PRR16: variants seen among roughly 807,000 people sequenced by gnomAD.
PRR16 encodes protein Largen.
PRR16 carries 6 observed loss-of-function variants against 18.2 expected under a neutral mutation model. The ratio of observed to expected loss-of-function variants is 0.33; its 90% confidence interval spans 0.18 to 0.65. The LOEUF (loss-of-function observed/expected upper bound fraction) is 0.65, where lower values mean the gene tolerates loss of function less well. Ranked by LOEUF, PRR16 falls within the 30% of genes least tolerant of loss-of-function variation. The pLI, the probability that PRR16 is intolerant of heterozygous loss-of-function variation, is 0.74. For synonymous variants in PRR16, 151 were observed against 147.8 expected (o/e 1.02, Z -0.16); for missense variants, 412 against 376.6 (o/e 1.09, Z -0.78).
chr5:120,776,334 T>C, the PRR16 span, among the ~76,000 whole-genome samples: 8,640 of 152,238 alleles, frequency 0.057, 290 homozygotes, highest in Middle Eastern at 0.15. Context: ...TCTTTTCATC[T>C]TTGGTTTTCA....
At chr5:120,762,509 T>C in the PRR16 span, among the ~76,000 whole-genome samples, 1 of 152,156 alleles carries the variant, frequency 6.6e-6, no homozygotes, top group Non-Finnish European at 1.5e-5. Flanking sequence ...TTTGTTTTGT[T>C]TTTTAGAAAT....
chr5:120,595,121 A>G (rs765735842), intron 1 of PRR16, among the ~76,000 whole-genome samples: 64 of 152,146 alleles, frequency 4.2e-4, no homozygotes, highest in Non-Finnish European at 1.2e-4. Flanking sequence ...AATGGGATCT[A>G]ATTAAACCAA....
intron 1 of PRR16, among the ~76,000 whole-genome samples, chr5:120,544,773 C>G (rs983885172): frequency 6.6e-6 from 1 of 151,922 alleles, no homozygotes; most frequent in South Asian, 2.1e-4. Flanking sequence ...ACTAGGAGGC[C>G]TCAAGCTCAG....
At chr5:120,565,209 T>G (rs1188988254) in intron 1 of PRR16, among the ~76,000 whole-genome samples, 2 of 151,850 alleles carry the variant, frequency 1.3e-5, no homozygotes, top group African/African-American at 4.8e-5. Context: ...TGGGGAGGAG[T>G]AGTCTGATGA....
the PRR16 span, among the ~76,000 whole-genome samples, chr5:120,724,700 C>G: frequency 6.6e-6 from 1 of 151,972 alleles, no homozygotes; most frequent in Non-Finnish European, 1.5e-5. Context: ...TTTCAGATAT[C>G]TCCCCTACCT....
chr5:120,492,562 A>G (rs1402489464), intron 1 of PRR16, among the ~76,000 whole-genome samples: 2 of 152,012 alleles, frequency 1.3e-5, no homozygotes, highest in Admixed American at 6.6e-5. Context: ...TTATTTCTAT[A>G]TGTTTTACTT....
At chr5:120,627,454 G>C (rs1279332038) in intron 1 of PRR16, among the ~76,000 whole-genome samples, 4 of 151,916 alleles carry the variant, frequency 2.6e-5, no homozygotes, top group Non-Finnish European at 4.4e-5. Context: ...AAGCTATAAG[G>C]GTTTAAAATG....
chr5:120,685,581 C>T (rs947965857), intron 1 of PRR16, among the ~76,000 whole-genome samples: 1 of 151,924 alleles, frequency 6.6e-6, no homozygotes. Context: ...AGATTGGAAG[C>T]AATGTTCTCC....
intron 1 of PRR16, among the ~76,000 whole-genome samples, chr5:120,518,638 C>A (rs1339391766): frequency 2.0e-5 from 3 of 151,466 alleles, no homozygotes; most frequent in Non-Finnish European, 4.4e-5. Flanking sequence ...TAAATTTTTT[C>A]CTGGACATGT....
Position 120,643,863 on chromosome 5 carries a change from G to A in PRR16, c.160-42091G>A, listed in dbSNP as rs563312733. On this transcript the variant is annotated intron_variant, in intron 1 of 1. Coordinates refer to ENST00000407149, the MANE Select transcript of PRR16 (RefSeq NM_001300783.2). The stretch of plus-strand genomic sequence containing the variant: ...CTTCTAAAAATATAAAAATTAGCCC[G>A]GCATGGTGGTGGGTGTCTGTAGTCC... Among the ~76,000 whole-genome samples the A allele has an allele frequency of 2.2e-4, 33 of 152,090 alleles. 1 individual carries two copies. Among genetic ancestry groups the A allele is most frequent in the South Asian group, 1.2e-3 (6 of 4,824 alleles).
At chr5:120,712,785 C>A in the PRR16 span, among the ~76,000 whole-genome samples, 1 of 152,000 alleles carries the variant, frequency 6.6e-6, no homozygotes, top group Non-Finnish European at 1.5e-5. Context: ...ATCATTTATA[C>A]TTGGTTAGCT....
intron 1 of PRR16, among the ~76,000 whole-genome samples, chr5:120,664,025 G>A (rs570244841): frequency 7.4e-4 from 112 of 152,252 alleles, no homozygotes; most frequent in African/African-American, 2.3e-3. Context: ...CTGGCCGGGC[G>A]CGGTGGCTCA....
At chr5:120,736,983 T>C in the PRR16 span, among the ~76,000 whole-genome samples, 1 of 152,110 alleles carries the variant, frequency 6.6e-6, no homozygotes, top group South Asian at 2.1e-4. Context: ...ACAATGTATT[T>C]GTGTGTGTGT....
At chr5:120,678,265 C>T (rs1401412096) in intron 1 of PRR16, among the ~76,000 whole-genome samples, 1 of 152,114 alleles carries the variant, frequency 6.6e-6, no homozygotes, top group Non-Finnish European at 1.5e-5. Flanking sequence ...CACCAAGTCT[C>T]ACCAATTCTA....
intron 1 of PRR16, among the ~76,000 whole-genome samples, chr5:120,664,312 A>ACAAAG (rs1756283901): frequency 6.6e-6 from 1 of 151,378 alleles, no homozygotes; most frequent in South Asian, 2.1e-4. Flanking sequence ...AGAAAACAAA[A>ACAAAG]CAAAACAAAA....
chr5:120,633,419 A>T (rs1456039514), intron 1 of PRR16, among the ~76,000 whole-genome samples: 5 of 152,192 alleles, frequency 3.3e-5, no homozygotes, highest in Non-Finnish European at 5.9e-5. Context: ...CTTAAAATTT[A>T]TAGAATTGCA....
At chr5:120,556,213 C>T (rs1456266851) in intron 1 of PRR16, among the ~76,000 whole-genome samples, 4 of 147,426 alleles carry the variant, frequency 2.7e-5, no homozygotes, top group Non-Finnish European at 4.5e-5. Flanking sequence ...AGTGCCATTT[C>T]TACCAGGGTC....
intron 1 of PRR16, among the ~76,000 whole-genome samples, chr5:120,502,006 A>C (rs1030549641): frequency 6.7e-6 from 1 of 150,266 alleles, no homozygotes; most frequent in African/African-American, 2.4e-5. Flanking sequence ...AGTATAAAAA[A>C]TTACTGTGGA....
chr5:120,484,834 A>G lies in PRR16; in HGVS notation c.159+20189A>G, dbSNP rs1241506760. ...TTTTCTTTCCTAGTAAGATGATGGAATAATTAGGAAGTTGGTGTCTATTCT... is the reference window on the plus strand; with the variant it reads ...TTTTCTTTCCTAGTAAGATGATGGAGTAATTAGGAAGTTGGTGTCTATTCT... On this transcript the variant is annotated intron_variant, in intron 1 of 1. Coordinates refer to ENST00000407149, the MANE Select transcript of PRR16 (RefSeq NM_001300783.2). Among the ~76,000 whole-genome samples the G allele has an allele frequency of 2.0e-5, 3 of 151,240 alleles. No individual in the cohort carries two copies. The East Asian group carries it at 5.8e-4, about 29-fold the overall frequency.
Sources: allele counts gnomAD v4.1 joint callset (sites outside exome capture counted in the v4.1 genomes callset), GRCh38; gene constraint gnomAD v4.1.1; transcripts MANE v1.5; gene names NCBI Gene and HGNC (gene_info 2026-07-23, HGNC 2026-07-21).